CNBD1: variants seen among roughly 807,000 people sequenced by gnomAD.
CNBD1 encodes cyclic nucleotide binding domain containing 1, also known as cyclic nucleotide-binding domain-containing protein 1.
Under a neutral mutation model 54.4 loss-of-function variants are expected in CNBD1, and 71 were observed. That is an observed-to-expected ratio of 1.30 (90% CI 1.08 to 1.59). The LOEUF is 1.59. Among genes scored for constraint, CNBD1 ranks in the 40% most tolerant of loss-of-function variants. CNBD1 has a pLI of 0.00. For synonymous variants in CNBD1, 182 were observed against 170.7 expected, an observed-to-expected ratio of 1.07 and a Z score of -0.51; for missense variants, 659 against 518.0, an observed-to-expected ratio of 1.27 and a Z score of -2.64.
At chr8:87,411,951 C>A (rs1807753673) in intron 2 of CNBD1, among the ~76,000 whole-genome samples, 1 of 151,852 alleles carries the variant, frequency 6.6e-6, no homozygotes, top group African/African-American at 2.4e-5. Flanking sequence ...AAGTGTTTGA[C>A]ATAGCTTTTT....
chr8:87,067,424 A>G (rs769642676), intron 4 of CNBD1, among the ~76,000 whole-genome samples: 15 of 151,928 alleles, frequency 9.9e-5, no homozygotes, highest in Non-Finnish European at 2.2e-4. Context: ...CCCTGTTGCT[A>G]CCGGGAAGCA....
intron 4 of CNBD1, among the ~76,000 whole-genome samples, chr8:87,146,977 T>C (rs553173550): frequency 6.6e-6 from 1 of 152,146 alleles, no homozygotes; most frequent in Non-Finnish European, 1.5e-5. Context: ...TCTATGATAC[T>C]TAAAATAAAA....
intron 4 of CNBD1, among the ~76,000 whole-genome samples, chr8:87,072,059 A>T (rs1410920166): frequency 1.3e-5 from 2 of 152,144 alleles, no homozygotes; most frequent in Admixed American, 1.3e-4. Flanking sequence ...TTTTACCATT[A>T]TGTAATGCCC....
At chr8:86,948,269 A>G (rs1807517646) in intron 4 of CNBD1, among the ~76,000 whole-genome samples, 1 of 152,136 alleles carries the variant, frequency 6.6e-6, no homozygotes, top group Admixed American at 6.5e-5. Flanking sequence ...TCTTTGGGGT[A>G]TATACACAGC....
At chr8:87,333,339 C>G (rs1294754388) in intron 8 of CNBD1, among the ~76,000 whole-genome samples, 1 of 152,112 alleles carries the variant, frequency 6.6e-6, no homozygotes, top group Non-Finnish European at 1.5e-5. Context: ...ATTTTACTTC[C>G]TCTCTTTCTA....
At chr8:86,900,016 C>A (rs1357982057) in intron 2 of CNBD1, among the ~76,000 whole-genome samples, 1 of 152,100 alleles carries the variant, frequency 6.6e-6, no homozygotes, top group South Asian at 2.1e-4. Flanking sequence ...TTTCCCCCCT[C>A]TTTTCTTGCA....
intron 4 of CNBD1, among the ~76,000 whole-genome samples, chr8:87,128,340 C>A (rs139762760): frequency 2.0e-5 from 3 of 152,310 alleles, no homozygotes; most frequent in African/African-American, 7.2e-5. Context: ...CTGGATGCTG[C>A]CATAGGGCTG....
chr8:87,321,970 C>A (rs955295252), intron 8 of CNBD1, among the ~76,000 whole-genome samples: 142 of 145,978 alleles, frequency 9.7e-4, no homozygotes, highest in Non-Finnish European at 1.4e-3. Context: ...CACCCCACCA[C>A]AGTCCCCAGA....
At chr8:87,424,003 G>T (rs1363831121) in intron 2 of CNBD1, among the ~76,000 whole-genome samples, 1 of 152,188 alleles carries the variant, frequency 6.6e-6, no homozygotes, top group Non-Finnish European at 1.5e-5. Context: ...GTTTAGTCTT[G>T]GGAGAGTGTA....
At chr8:87,043,462 C>A (rs1034200499) in intron 4 of CNBD1, among the ~76,000 whole-genome samples, 1 of 152,084 alleles carries the variant, frequency 6.6e-6, no homozygotes, top group Non-Finnish European at 1.5e-5. Flanking sequence ...TGTCTGTAAA[C>A]CATATATATG....
At chr8:87,074,874 A>T (rs551409589) in intron 4 of CNBD1, among the ~76,000 whole-genome samples, 2 of 152,350 alleles carry the variant, frequency 1.3e-5, no homozygotes, top group African/African-American at 4.8e-5. Flanking sequence ...CTAATCAGCC[A>T]TCTTGCAGAA....
chr8:87,248,566 A>G (rs933951366), intron 6 of CNBD1, among the ~76,000 whole-genome samples: 2 of 152,204 alleles, frequency 1.3e-5, no homozygotes, highest in African/African-American at 4.8e-5. Context: ...CATGTGGAGA[A>G]GCAGCTTTGA....
At chr8:87,309,490 T>G (rs1809221150) in intron 8 of CNBD1, among the ~76,000 whole-genome samples, 1 of 152,176 alleles carries the variant, frequency 6.6e-6, no homozygotes, top group African/African-American at 2.4e-5. Context: ...TATTTCTATT[T>G]ATAACTGCCT....
At chr8:87,185,036 G>A (rs1358675649) in intron 4 of CNBD1, among the ~76,000 whole-genome samples, 1 of 152,026 alleles carries the variant, frequency 6.6e-6, no homozygotes, top group Non-Finnish European at 1.5e-5. Context: ...AATTTTCAGA[G>A]AACTTTGTTA....
chr8:86,910,404 A>T (rs1305930518), intron 3 of CNBD1, among the ~76,000 whole-genome samples: 1 of 152,062 alleles, frequency 6.6e-6, no homozygotes, highest in Non-Finnish European at 1.5e-5. Flanking sequence ...TGGAGAGAAA[A>T]AGGAATTTTT....
intron 2 of CNBD1, among the ~76,000 whole-genome samples, chr8:87,425,063 C>T (rs1333803400): frequency 2.0e-5 from 3 of 152,040 alleles, no homozygotes; most frequent in African/African-American, 7.3e-5. Flanking sequence ...CGCTTCATTT[C>T]ATTCATTTCA....
At chr8:86,944,978 G>T (rs942869164) in intron 4 of CNBD1, among the ~76,000 whole-genome samples, 2 of 152,170 alleles carry the variant, frequency 1.3e-5, no homozygotes, top group Admixed American at 6.5e-5. Context: ...AGCAAATCAG[G>T]TTCATTGCTC....
intron 4 of CNBD1, among the ~76,000 whole-genome samples, chr8:87,076,692 T>A (rs755260968): frequency 1.3e-5 from 2 of 152,190 alleles, no homozygotes; most frequent in Non-Finnish European, 2.9e-5. Context: ...TCTGCTTGCC[T>A]TGGCCTCCCA....
At chr8:87,003,228 C>T (rs1416558287) in intron 4 of CNBD1, among the ~76,000 whole-genome samples, 1 of 151,992 alleles carries the variant, frequency 6.6e-6, no homozygotes, top group Non-Finnish European at 1.5e-5. Flanking sequence ...GTGATTGTTC[C>T]ATGTTGTATG....
Sources: allele counts gnomAD v4.1 joint callset (sites outside exome capture counted in the v4.1 genomes callset), GRCh38; gene constraint gnomAD v4.1.1; transcripts MANE v1.5; gene names NCBI Gene and HGNC (gene_info 2026-07-23, HGNC 2026-07-21).